Variants in IL7 observed in about 807,000 individuals in gnomAD.
IL7 encodes interleukin 7.
A neutral mutation model predicts 21.6 loss-of-function variants in IL7; 3 were observed. That is an observed-to-expected ratio of 0.14 (90% confidence interval 0.06 to 0.36). IL7 has a LOEUF of 0.36. Ranked by LOEUF, IL7 falls within the 10% of genes least tolerant of loss-of-function variation. The probability of loss-of-function intolerance (pLI) is 1.00; values close to 1 mark genes in which losing one functional copy is unlikely to be tolerated. For missense variants in IL7, 175 were observed against 200.2 expected (o/e 0.87, Z 0.76); for synonymous variants, 62 against 68.1 (o/e 0.91, Z 0.44).
chr8:78,688,675 A>G (rs1810105007), intron 3 of IL7, among the ~76,000 whole-genome samples: 1 of 152,138 alleles, frequency 6.6e-6, no homozygotes, highest in Non-Finnish European at 1.5e-5. Context: ...TGTTTCTTAA[A>G]TTTGAATTAT....
intron 3 of IL7, chr8:78,698,491 G>A (rs893618094): frequency 1.9e-6 from 3 of 1,611,496 alleles, no homozygotes; most frequent in Non-Finnish European, 1.7e-6. Context: ...CTCTCATAAA[G>A]GGATAGCAGC....
At chr8:78,687,426 A>G (rs569698312) in intron 3 of IL7, among the ~76,000 whole-genome samples, 75 of 148,188 alleles carry the variant, frequency 5.1e-4, no homozygotes, top group Middle Eastern at 3.8e-3. Flanking sequence ...TAAGGTTTCT[A>G]TTGCAACAAA....
intron 3 of IL7, among the ~76,000 whole-genome samples, chr8:78,722,454 C>T (rs190986976): frequency 1.3e-3 from 198 of 151,938 alleles, no homozygotes; most frequent in Non-Finnish European, 2.4e-3. Context: ...TTAAAAATCG[C>T]AATTTTCAGG....
intron 2 of IL7, among the ~76,000 whole-genome samples, chr8:78,742,902 C>T (rs1811842632): frequency 1.3e-5 from 2 of 152,006 alleles, no homozygotes; most frequent in Non-Finnish European, 2.9e-5. Context: ...TCCAAAAAGC[C>T]CCAGTGTGTA....
At chr8:78,796,452 T>C (rs1289310528) in intron 2 of IL7, among the ~76,000 whole-genome samples, 1 of 152,002 alleles carries the variant, frequency 6.6e-6, no homozygotes, top group Non-Finnish European at 1.5e-5. Flanking sequence ...TTTACACACA[T>C]ATAATTATTT....
chr8:78,707,511 A>C (rs997532328), intron 3 of IL7, among the ~76,000 whole-genome samples: 1 of 152,240 alleles, frequency 6.6e-6, no homozygotes, highest in African/African-American at 2.4e-5. Flanking sequence ...TCTGACCAAC[A>C]TACCTGGTTA....
At chr8:78,766,467 T>C in intron 2 of IL7, among the ~76,000 whole-genome samples, 1 of 152,138 alleles carries the variant, frequency 6.6e-6, no homozygotes, top group East Asian at 1.9e-4. Flanking sequence ...CCTATGCCTA[T>C]GCGTGTTAGG....
At chr8:78,745,426 A>G (rs1287908796) in intron 2 of IL7, among the ~76,000 whole-genome samples, 1 of 151,956 alleles carries the variant, frequency 6.6e-6, no homozygotes, top group Non-Finnish European at 1.5e-5. Context: ...TAGTCTCTGT[A>G]TTTCTCCAAA....
rs72661312 is a variant in IL7, at chr8:78,677,061, A to G, written n.274-957T>C. Among the ~76,000 whole-genome samples the G allele has an allele frequency of 3.8e-3, 577 of 152,222 alleles. 3 individuals carry two copies. The highest frequency in any genetic ancestry group is 5.7e-3 in the Non-Finnish European group (387 of 67,958). ...AAATGAAAACTGAAAATAAGTATGTAAAACACTTGATTGCTAATTGTGTAC... is the reference window on the plus strand; with the variant it reads ...AAATGAAAACTGAAAATAAGTATGTGAAACACTTGATTGCTAATTGTGTAC... On this transcript the variant is annotated intron_variant and non_coding_transcript_variant, in intron 4 of 4. Coordinates refer to the IL7 transcript ENST00000523959.
chr8:78,783,269 G>A (rs1330822941), intron 2 of IL7, among the ~76,000 whole-genome samples: 2 of 152,162 alleles, frequency 1.3e-5, no homozygotes, highest in Non-Finnish European at 2.9e-5. Context: ...TGATTTGCAG[G>A]TTGCACCCAT....
intron 2 of IL7, chr8:78,761,736 A>G (rs1812565715): frequency 2.5e-6 from 4 of 1,611,838 alleles, no homozygotes; most frequent in Non-Finnish European, 1.7e-6. Flanking sequence ...TGTGTTTTTG[A>G]ACAAAACAAC....
At position 78,733,655 on chromosome 8, in the gene IL7, A is replaced by G. The variant is rs1811482538; in HGVS notation, c.*58T>C. On this transcript the variant is annotated 3_prime_UTR_variant, in exon 6 of 6. Transcript: ENST00000263851. ...CCACTCTGAAAAACTGCATAAGCAG[A>G]TAGATTCTTGGAGGATGCAGCTAAA... is the stretch of plus-strand genomic sequence containing the variant. 4 of 1,563,172 alleles carry G rather than the reference A, an allele frequency of 2.6e-6. No individual in the cohort carries two copies. Among genetic ancestry groups the G allele is most frequent in the Non-Finnish European group, 3.5e-6 (4 of 1,154,718 alleles).
At chr8:78,746,040 C>T (rs902113017) in intron 2 of IL7, among the ~76,000 whole-genome samples, 2 of 152,148 alleles carry the variant, frequency 1.3e-5, no homozygotes, top group Non-Finnish European at 2.9e-5. Flanking sequence ...ACTTATCACA[C>T]CAACATTCTT....
intron 2 of IL7, among the ~76,000 whole-genome samples, chr8:78,755,426 A>G (rs1276975097): frequency 6.6e-6 from 1 of 152,090 alleles, no homozygotes; most frequent in Non-Finnish European, 1.5e-5. Flanking sequence ...TAGTATGGTC[A>G]TTTTAACAAT....
chr8:78,757,564 G>A (rs1019637983), intron 2 of IL7, among the ~76,000 whole-genome samples: 1 of 151,746 alleles, frequency 6.6e-6, no homozygotes, highest in Admixed American at 6.6e-5. Context: ...ATATCTTAGT[G>A]CTCCAGTGTT....
In IL7 at chr8:78,804,856, G is replaced by A. The variant is rs557352917; in HGVS notation, c.10+57C>T. The A allele has an allele frequency of 1.0e-4, 165 of 1,608,568 alleles. 2 individuals are homozygous for A. The South Asian group carries it at 1.2e-3, about 12-fold the overall frequency. On this transcript the variant is annotated intron_variant, in intron 1 of 5. Transcript: ENST00000263851. ...GGAGCAGGGGCCCCCAGCGCGTCTG[G>A]GATTGCCCCGGCGCGTCGGGCGCGC...
chr8:78,794,330 G>A (rs139625716), intron 2 of IL7, among the ~76,000 whole-genome samples: 43 of 152,130 alleles, frequency 2.8e-4, no homozygotes, highest in African/African-American at 8.7e-4. Flanking sequence ...TTTGATTCAC[G>A]GGCTGAAAAA....
At chr8:78,705,558 A>C (rs1810745600) in intron 3 of IL7, among the ~76,000 whole-genome samples, 1 of 152,112 alleles carries the variant, frequency 6.6e-6, no homozygotes, top group Non-Finnish European at 1.5e-5. Flanking sequence ...GAGGAATGGG[A>C]CTGGGAACCT....
chr8:78,779,056 G>T (rs963666154), intron 2 of IL7, among the ~76,000 whole-genome samples: 2 of 152,118 alleles, frequency 1.3e-5, no homozygotes, highest in African/African-American at 4.8e-5. Flanking sequence ...TGTATTGTTG[G>T]TGTATAGGAA....
Sources: allele counts gnomAD v4.1 joint callset (sites outside exome capture counted in the v4.1 genomes callset), GRCh38; gene constraint gnomAD v4.1.1; transcripts MANE v1.5; gene names NCBI Gene and HGNC (gene_info 2026-07-23, HGNC 2026-07-21).